The following NTN4 variants were observed in gnomAD, a reference collection of about 807,000 sequenced individuals.
The protein encoded by NTN4 is netrin-4.
NTN4 carries 32 observed loss-of-function variants against 73.6 expected under a neutral mutation model. The ratio of observed to expected loss-of-function variants is 0.44; its 90% CI spans 0.33 to 0.58. The LOEUF (loss-of-function observed/expected upper bound fraction) is 0.58, where lower values mean the gene tolerates loss of function less well. Ranked by LOEUF, NTN4 falls within the 20% of genes least tolerant of loss-of-function variation. The pLI, the probability that NTN4 is intolerant of heterozygous loss-of-function variation, is 0.04. For synonymous variants in NTN4, 258 were observed against 287.5 expected (o/e 0.90, Z 1.04); for missense variants, 654 against 798.3 (o/e 0.82, Z 2.18).
At chr12:95,681,833 T>G (rs1216519119) in intron 7 of NTN4, among the ~76,000 whole-genome samples, 1 of 152,218 alleles carries the variant, frequency 6.6e-6, no homozygotes, top group Non-Finnish European at 1.5e-5. Context: ...GTACAAATCA[T>G]TTTTCATATT....
intron 2 of NTN4, among the ~76,000 whole-genome samples, chr12:95,764,219 G>A (rs1041160899): frequency 6.6e-6 from 1 of 152,202 alleles, no homozygotes; most frequent in Non-Finnish European, 1.5e-5. Flanking sequence ...GATGCAGGAG[G>A]CTGACTGGAA....
chr12:95,783,683 T>TG (rs2079147991), intron 2 of NTN4, among the ~76,000 whole-genome samples: 1 of 152,232 alleles, frequency 6.6e-6, no homozygotes, highest in Non-Finnish European at 1.5e-5. Context: ...ACGTAACTAA[T>TG]GGTATGTTGT....
intron 2 of NTN4, among the ~76,000 whole-genome samples, chr12:95,748,249 G>A (rs75389584): frequency 0.069 from 8,973 of 130,630 alleles, 565 homozygotes; most frequent in African/African-American, 0.17. Context: ...AAAAAAAAAA[G>A]AAAAGAAAAG....
chr12:95,731,808 T>C (rs1380597308), intron 3 of NTN4, among the ~76,000 whole-genome samples: 1 of 152,170 alleles, frequency 6.6e-6, no homozygotes, highest in African/African-American at 2.4e-5. Flanking sequence ...GGCTTTAGTG[T>C]CTGACAGGTG....
chr12:95,671,391 G>A (rs7979729), intron 7 of NTN4, among the ~76,000 whole-genome samples: 40,271 of 152,042 alleles, frequency 0.26, 5,840 homozygotes, highest in Non-Finnish European at 0.31. Context: ...CACACAGCAG[G>A]AGGTGAGCAG....
Position 95,664,845 on chromosome 12 carries a change from A to C in NTN4, c.1750+965T>G, listed in dbSNP as rs139611438. On this transcript the variant is annotated intron_variant, in intron 9 of 9. Transcript: ENST00000343702. ...CCAGGTTGGGCACAAAAGACTTCTT[A>C]TTAATGTAACAATGAGTTTATATGG... Among the ~76,000 whole-genome samples, 96 of 152,130 alleles carry C rather than the reference A, an allele frequency of 6.3e-4. 1 individual carries two copies. Among genetic ancestry groups the C allele is most frequent in the African/African-American group, 2.3e-3 (95 of 41,506 alleles).
At chr12:95,660,259 C>T (rs2078126895) in intron 9 of NTN4, among the ~76,000 whole-genome samples, 2 of 152,128 alleles carry the variant, frequency 1.3e-5, no homozygotes, top group South Asian at 4.1e-4. Context: ...AGGTGATCTG[C>T]CTGCCTCGGC....
At chr12:95,748,335 A>C (rs1424242771) in intron 2 of NTN4, among the ~76,000 whole-genome samples, 2 of 151,928 alleles carry the variant, frequency 1.3e-5, no homozygotes, top group Non-Finnish European at 2.9e-5. Context: ...AAAAGTATTA[A>C]ATATTTGAAT....
chr12:95,726,881 A>T (rs140107870), intron 3 of NTN4, among the ~76,000 whole-genome samples: 3,097 of 152,122 alleles, frequency 0.02, 97 homozygotes, highest in African/African-American at 0.072. Flanking sequence ...GAGGCAGGAG[A>T]ATGGCGTGAA....
chr12:95,730,090 G>C (rs77788617), intron 3 of NTN4, among the ~76,000 whole-genome samples: 8,537 of 152,164 alleles, frequency 0.056, 266 homozygotes, highest in South Asian at 0.14. Flanking sequence ...GTACTTTATA[G>C]TAAGAAAAAA....
chr12:95,765,839 C>G (rs531241528), intron 2 of NTN4, among the ~76,000 whole-genome samples: 2 of 152,258 alleles, frequency 1.3e-5, no homozygotes, highest in African/African-American at 4.8e-5. Context: ...AAGGAAGAAT[C>G]CAAGGCCCCT....
chr12:95,725,185 A>G (rs2078683176), intron 3 of NTN4, among the ~76,000 whole-genome samples: 1 of 152,124 alleles, frequency 6.6e-6, no homozygotes, highest in Non-Finnish European at 1.5e-5. Flanking sequence ...AAGCCATTTA[A>G]ACTCTTAATA....
At chr12:95,731,020 C>A (rs1487604425) in intron 3 of NTN4, among the ~76,000 whole-genome samples, 2 of 152,156 alleles carry the variant, frequency 1.3e-5, no homozygotes, top group Non-Finnish European at 2.9e-5. Flanking sequence ...GATATCCATA[C>A]CCCTCCAAAG....
In NTN4 at chr12:95,672,306, TG is replaced by T. The variant is rs1051805511; in HGVS notation, c.1511-2161del. The T allele has an allele frequency of 3.5e-5, 27 of 776,768 alleles. No individual in the cohort carries two copies. In the African/African-American group the frequency reaches 4.1e-4, roughly 12 times the overall value. 48.1% of individuals were successfully genotyped at this position (776,768 alleles called of 1,614,324 possible). ...GCACTGCCTCCCAAGCCCGCCGCCA[TG>T]GCCGCCTACAAACTGGTGCTGATCC... On this transcript the variant is annotated intron_variant, in intron 7 of 9. Coordinates refer to ENST00000343702, the MANE Select transcript of NTN4 (RefSeq NM_021229.4).
intron 2 of NTN4, among the ~76,000 whole-genome samples, chr12:95,779,995 A>G (rs867482401): frequency 7.3e-4 from 111 of 152,342 alleles, no homozygotes; most frequent in African/African-American, 2.4e-3. Flanking sequence ...AAATAATGCC[A>G]CATATCTACA....
chr12:95,662,239 T>C (rs1212894700), intron 9 of NTN4, among the ~76,000 whole-genome samples: 1 of 145,462 alleles, frequency 6.9e-6, no homozygotes, highest in African/African-American at 2.5e-5. Context: ...TTCTTTCTTT[T>C]TTTTTTTTTT....
intron 8 of NTN4, among the ~76,000 whole-genome samples, chr12:95,668,959 A>C (rs2078204772): frequency 6.6e-6 from 1 of 152,216 alleles, no homozygotes; most frequent in Non-Finnish European, 1.5e-5. Flanking sequence ...CCCTGTCTCT[A>C]CTAAAAATAC....
intron 2 of NTN4, among the ~76,000 whole-genome samples, chr12:95,751,948 TTAAC>T (rs2078911621): frequency 6.7e-6 from 1 of 149,580 alleles, no homozygotes; most frequent in Non-Finnish European, 1.5e-5. Flanking sequence ...GGCTGACGCT[TTAAC>T]TAAATTATCT....
At chr12:95,730,720 G>A (rs987375315) in intron 3 of NTN4, among the ~76,000 whole-genome samples, 3 of 152,218 alleles carry the variant, frequency 2.0e-5, no homozygotes, top group African/African-American at 7.2e-5. Flanking sequence ...GTTACTCAGT[G>A]CTAAGGGACT....
Sources: allele counts gnomAD v4.1 joint callset (sites outside exome capture counted in the v4.1 genomes callset), GRCh38; gene constraint gnomAD v4.1.1; transcripts MANE v1.5; gene names NCBI Gene and HGNC (gene_info 2026-07-23, HGNC 2026-07-21).